Variants in GLIS3 observed in about 807,000 individuals in gnomAD.
GLIS3 encodes GLIS family zinc finger 3.
In GLIS3, 53 loss-of-function variants were observed where a neutral mutation model predicts 78.6. That is an observed-to-expected ratio of 0.67 (90% confidence interval 0.54 to 0.85). The LOEUF (loss-of-function observed/expected upper bound fraction) is 0.85. GLIS3 is among the 40% of genes least tolerant of loss of function. GLIS3 has a pLI of 0.00. For missense variants in GLIS3, 1,703 were observed against 1,231.1 expected, an observed-to-expected ratio of 1.38 and a Z score of -5.74; for synonymous variants, 684 against 509.9, an observed-to-expected ratio of 1.34 and a Z score of -4.60.
At chr9:4,383,948 C>A in the GLIS3 span, among the ~76,000 whole-genome samples, 19 of 152,208 alleles carry the variant, frequency 1.2e-4, no homozygotes, top group Non-Finnish European at 2.5e-4. Flanking sequence ...CCCTCAATTC[C>A]TCTCCTTCAA....
At chr9:4,003,046 A>T (rs1821246199) in intron 4 of GLIS3, among the ~76,000 whole-genome samples, 1 of 152,170 alleles carries the variant, frequency 6.6e-6, no homozygotes, top group African/African-American at 2.4e-5. Context: ...TGTTACCTGA[A>T]GCTGCAAGTA....
intron 2 of GLIS3, among the ~76,000 whole-genome samples, chr9:4,342,450 T>TC (rs1159323604): frequency 6.6e-6 from 1 of 152,220 alleles, no homozygotes; most frequent in African/African-American, 2.4e-5. Flanking sequence ...GTTCCATTGG[T>TC]CTATGTGTCT....
chr9:4,049,400 A>C (rs1390369130), intron 4 of GLIS3, among the ~76,000 whole-genome samples: 2 of 152,178 alleles, frequency 1.3e-5, no homozygotes, highest in Non-Finnish European at 2.9e-5. Flanking sequence ...TGGGCCATCA[A>C]GGACCTTGCT....
intron 2 of GLIS3, among the ~76,000 whole-genome samples, chr9:4,262,379 G>C (rs532935423): frequency 1.3e-5 from 2 of 152,230 alleles, no homozygotes; most frequent in South Asian, 2.1e-4. Flanking sequence ...GATTTGGGAA[G>C]GATGCAGGGC....
the GLIS3 span, among the ~76,000 whole-genome samples, chr9:4,480,395 T>A: frequency 6.6e-6 from 1 of 151,998 alleles, no homozygotes; most frequent in South Asian, 2.1e-4. Context: ...AGAGTCAGTG[T>A]CTCATTATGT....
chr9:3,862,174 A>T (rs1820255406), intron 8 of GLIS3, among the ~76,000 whole-genome samples: 1 of 152,200 alleles, frequency 6.6e-6, no homozygotes, highest in Non-Finnish European at 1.5e-5. Context: ...AACGAGGTAA[A>T]ATAATTTGCT....
chr9:4,049,450 C>T (rs566984035), intron 4 of GLIS3, among the ~76,000 whole-genome samples: 16 of 152,292 alleles, frequency 1.1e-4, no homozygotes, highest in African/African-American at 3.4e-4. Flanking sequence ...AGTGCCAATG[C>T]CAGGCTGGCT....
intron 2 of GLIS3, among the ~76,000 whole-genome samples, chr9:4,177,861 A>G (rs1489078942): frequency 2.0e-5 from 3 of 152,218 alleles, no homozygotes; most frequent in Admixed American, 6.5e-5. Context: ...CACAATGCTG[A>G]ATGTTTCCAG....
At chr9:4,098,413 C>T (rs1830124162) in intron 4 of GLIS3, among the ~76,000 whole-genome samples, 1 of 152,144 alleles carries the variant, frequency 6.6e-6, no homozygotes, top group African/African-American at 2.4e-5. Context: ...TAACATTTTC[C>T]ATGAGCAAGA....
chr9:4,466,632 G>A, the GLIS3 span, among the ~76,000 whole-genome samples: 4 of 152,294 alleles, frequency 2.6e-5, no homozygotes, highest in East Asian at 5.8e-4. Flanking sequence ...GGTGTATCAG[G>A]CAAAACCCAA....
Position 3,907,625 on chromosome 9 carries a change from G to GACAC in GLIS3, c.1984-8794_1984-8791dup, listed in dbSNP as rs1009788837. On this transcript the variant is annotated intron_variant, in intron 6 of 10. Coordinates refer to ENST00000381971, the MANE Select transcript of GLIS3 (RefSeq NM_001042413.2). ...CCCCAAACACACACACACACACACA[G>GACAC]ACACACACACACACACACACACACA... 2.7e-3 allele frequency among the ~76,000 whole-genome samples: 278 copies of GACAC among 102,340 alleles called. 2 individuals are homozygous for GACAC. Among genetic ancestry groups the GACAC allele is most frequent in the African/African-American group, 9.3e-3 (264 of 28,448 alleles). 67.1% of individuals were successfully genotyped at this position (102,340 alleles called of 152,430 possible). A position where few individuals can be genotyped will look rare whatever the true frequency, so the allele number is the denominator to read the frequency against.
chr9:4,118,481 C>T lies in GLIS3; in HGVS notation c.997G>A (p.Gly333Arg), dbSNP rs945051425. Residue 333 changes from glycine to arginine, a missense_variant, in exon 4 of 11, where the codon GGG (glycine) becomes AGG (arginine). Transcript: ENST00000381971. This position sits in a 1 kb window ranked among gnomAD's most constrained non-coding sequence, Gnocchi z 4.7. Reference protein sequence around the residue: ...SPTSLVAYINGSRASPANLSP... With the variant: ...SPTSLVAYINRSRASPANLSP... ...AGGTTGGCCGGCGAAGCCCTCGACC[C>T]GTTGATGTAGGCCACCAAGGACGTG... 19 of 1,613,968 alleles carry T rather than the reference C, an allele frequency of 1.2e-5. No individual in the cohort carries two copies. The highest frequency in any genetic ancestry group is 1.5e-5 in the Non-Finnish European group (18 of 1,180,034).
At chr9:4,012,765 C>CTTTTTTTTTTTTTT (rs71324278) in intron 4 of GLIS3, among the ~76,000 whole-genome samples, 22 of 66,490 alleles carry the variant, frequency 3.3e-4, no homozygotes, top group African/African-American at 6.0e-4. Context: ...TTTTCTTTTT[C>CTTTTTTTTTTTTTT]TTTTTTTTTT....
intron 2 of GLIS3, among the ~76,000 whole-genome samples, chr9:4,340,336 C>G (rs1817816680): frequency 8.1e-6 from 1 of 122,778 alleles, no homozygotes; most frequent in African/African-American, 3.1e-5. Context: ...TTTGCCATGA[C>G]TGATGTCATC....
At chr9:4,431,721 G>A in the GLIS3 span, among the ~76,000 whole-genome samples, 4 of 151,884 alleles carry the variant, frequency 2.6e-5, no homozygotes, top group Non-Finnish European at 5.9e-5. Context: ...GCACATGCCT[G>A]TAATCCAAGC....
intron 2 of GLIS3, among the ~76,000 whole-genome samples, chr9:4,178,108 C>G (rs1465138906): frequency 1.3e-5 from 2 of 152,158 alleles, no homozygotes; most frequent in Non-Finnish European, 2.9e-5. Flanking sequence ...AGGACTGTTT[C>G]TTATTCTTAA....
intron 2 of GLIS3, among the ~76,000 whole-genome samples, chr9:4,171,351 G>A (rs773237660): frequency 1.3e-4 from 20 of 152,124 alleles, no homozygotes; most frequent in South Asian, 2.1e-4. Context: ...GAAAGATTCC[G>A]TAGATACTGC....
rs1191931550 is a variant in GLIS3, at chr9:4,118,730, C to T, written c.748G>A (p.Asp250Asn). Residue 250 changes from aspartate (D) to asparagine (N), a missense_variant, in exon 4 of 11, where the codon GAT (aspartate) becomes AAT (asparagine). Physicochemically the swap from Asp to Asn is conservative, Grantham distance 23. Transcript: ENST00000381971. The surrounding 1 kb of genome is among the most constrained non-coding windows in gnomAD (Gnocchi z 4.7). ...GTCCCGGGAGGAAGGCTAAGGAGAT[C>T]CCCTAGATCAAGGCCATTCTGAGAG... ...HGSQNGLDLG[D>N]LLSLPPGTSM... 5.0e-6 allele frequency: 8 copies of T among 1,613,984 alleles called. No individual in the cohort carries two copies. Among genetic ancestry groups the T allele is most frequent in the South Asian group, 3.3e-5 (3 of 91,082 alleles).
At chr9:4,344,971 G>A (rs1368964892) in intron 2 of GLIS3, among the ~76,000 whole-genome samples, 2 of 152,146 alleles carry the variant, frequency 1.3e-5, no homozygotes, top group East Asian at 3.8e-4. Flanking sequence ...TCTCTCATGT[G>A]AATTATGGCA....
Sources: gnomAD v4.1 joint callset for allele counts (sites outside exome capture counted in the v4.1 genomes callset) on GRCh38, gnomAD v4.1.1 for gene constraint, Gnocchi (gnomAD v3.1) non-coding constraint, MANE v1.5 for transcripts, NCBI Gene and HGNC (gene_info 2026-07-23, HGNC 2026-07-21) for gene names.